MEI4: variants seen among roughly 807,000 people sequenced by gnomAD.
MEI4 encodes the protein meiosis-specific protein MEI4.
Under a neutral mutation model 31.4 loss-of-function variants are expected in MEI4, and 27 were observed. The observed-to-expected ratio is 0.86, with a 90% confidence interval of 0.63 to 1.19. MEI4 has a LOEUF of 1.19. MEI4 is among the 50% of genes most tolerant of loss of function. MEI4 has a pLI of 0.00. For synonymous variants in MEI4, 122 were observed against 145.4 expected (o/e 0.84, Z 1.16); for missense variants, 329 against 398.9 (o/e 0.82, Z 1.49).
At chr6:77,792,825 G>A (rs1443379629) in intron 3 of MEI4, among the ~76,000 whole-genome samples, 1 of 151,760 alleles carries the variant, frequency 6.6e-6, no homozygotes, top group East Asian at 1.9e-4. Flanking sequence ...CCATTCTCCT[G>A]CCTCAGCCTC....
At chr6:77,763,105 A>T (rs1768081381) in intron 3 of MEI4, among the ~76,000 whole-genome samples, 1 of 152,100 alleles carries the variant, frequency 6.6e-6, no homozygotes, top group African/African-American at 2.4e-5. Context: ...GGTTGATATG[A>T]CTTAAACCTA....
chr6:77,697,298 C>T (rs918347526), intron 2 of MEI4, among the ~76,000 whole-genome samples: 1 of 152,122 alleles, frequency 6.6e-6, no homozygotes, highest in Non-Finnish European at 1.5e-5. Flanking sequence ...TTATTTCTTG[C>T]CTTCTGCTAG....
At chr6:77,813,315 T>G (rs1769616878) in intron 3 of MEI4, among the ~76,000 whole-genome samples, 1 of 152,116 alleles carries the variant, frequency 6.6e-6, no homozygotes, top group Admixed American at 6.6e-5. Flanking sequence ...ACAGTATCTG[T>G]GAGAGAGACA....
At chr6:77,816,961 A>G (rs1769703688) in intron 3 of MEI4, among the ~76,000 whole-genome samples, 1 of 152,010 alleles carries the variant, frequency 6.6e-6, no homozygotes, top group Non-Finnish European at 1.5e-5. Flanking sequence ...CAGTCATATT[A>G]TTGAATGAAG....
At chr6:77,922,986 T>A (rs7756772) in intron 4 of MEI4, 103 bp from the exon 5 acceptor site, 46,745 of 617,632 alleles carry the variant, frequency 0.076, 7,545 homozygotes, top group East Asian at 0.44. Flanking sequence ...TGTTAAATAT[T>A]TCAAATATAT....
At chr6:77,674,701 A>G (rs1016737386) in intron 1 of MEI4, among the ~76,000 whole-genome samples, 1 of 152,144 alleles carries the variant, frequency 6.6e-6, no homozygotes, top group Non-Finnish European at 1.5e-5. Flanking sequence ...GCAACACATG[A>G]CAGTAATACA....
Position 77,741,180 on chromosome 6 carries a change from C to A in MEI4, c.233-19950C>A, listed in dbSNP as rs536426544. 1.4e-3 allele frequency among the ~76,000 whole-genome samples: 212 copies of A among 152,158 alleles called. 1 individual carries two copies. The highest frequency in any genetic ancestry group is 4.5e-3 in the African/African-American group (186 of 41,518). ...AGCATGGCATGTTTTGGTGAACTGTCAGGAATTTAAAGTTGCTTGCATGTA... is the reference window on the plus strand; with the variant it reads ...AGCATGGCATGTTTTGGTGAACTGTAAGGAATTTAAAGTTGCTTGCATGTA... On this transcript the variant is annotated intron_variant, in intron 2 of 4. Coordinates refer to ENST00000684080, the MANE Select transcript of MEI4 (RefSeq NM_001322247.2).
chr6:77,714,757 C>G (rs1766542725), intron 2 of MEI4, among the ~76,000 whole-genome samples: 1 of 152,188 alleles, frequency 6.6e-6, no homozygotes, highest in African/African-American at 2.4e-5. Context: ...GTGCCCCTGC[C>G]TCTGTGCCCT....
intron 1 of MEI4, among the ~76,000 whole-genome samples, chr6:77,667,043 T>A (rs909750423): frequency 3.9e-5 from 6 of 152,148 alleles, no homozygotes; most frequent in Non-Finnish European, 7.4e-5. Flanking sequence ...ATGGAAATAA[T>A]ATGTAAAGAA....
intron 4 of MEI4, among the ~76,000 whole-genome samples, chr6:77,911,395 T>C (rs1362972191): frequency 1.3e-5 from 2 of 152,034 alleles, no homozygotes; most frequent in African/African-American, 4.8e-5. Flanking sequence ...ATACAAATGA[T>C]CTTTTCACTG....
At chr6:77,701,404 G>A (rs1292533269) in intron 2 of MEI4, among the ~76,000 whole-genome samples, 1 of 152,058 alleles carries the variant, frequency 6.6e-6, no homozygotes, top group Non-Finnish European at 1.5e-5. Flanking sequence ...GGCAGATTTA[G>A]GATTAAAATT....
chr6:77,788,781 A>C (rs1768826742), intron 3 of MEI4, among the ~76,000 whole-genome samples: 1 of 152,244 alleles, frequency 6.6e-6, no homozygotes, highest in African/African-American at 2.4e-5. Flanking sequence ...AGAACATTCC[A>C]TGCTCATGGG....
chr6:77,866,073 C>T (rs574794341), intron 4 of MEI4, among the ~76,000 whole-genome samples: 6 of 151,938 alleles, frequency 3.9e-5, no homozygotes, highest in East Asian at 1.9e-4. Flanking sequence ...ACTGATGGGA[C>T]GTACCTCAAA....
chr6:77,910,282 A>G (rs1449241835), intron 4 of MEI4, among the ~76,000 whole-genome samples: 2 of 152,150 alleles, frequency 1.3e-5, no homozygotes, highest in African/African-American at 4.8e-5. Context: ...CTGTTTGCAG[A>G]TGACATGATT....
rs573132240 is a variant in MEI4 at position 77,877,487 on chromosome 6, G to A, written c.901-45602G>A. 6.2e-3 allele frequency among the ~76,000 whole-genome samples: 292 copies of A among 46,812 alleles called. 2 individuals carry two copies. The highest frequency in any genetic ancestry group is 7.5e-3 in the Non-Finnish European group (214 of 28,456). The allele number at this position is 46,812 out of a possible 152,430, so 30.7% of individuals were successfully genotyped here. A position where few individuals can be genotyped will look rare whatever the true frequency, so the allele number is the denominator to read the frequency against. ...CTCAAGCATCATCTAGCTGATGGTT[G>A]CTGACAACAGATTTTCTGACACTTA... On this transcript the variant is annotated intron_variant, in intron 4 of 4. Transcript: ENST00000684080.
rs890708556 is a variant in MEI4, at chr6:77,926,710, T to G, written c.*3364T>G. 4.6e-5 allele frequency: 7 copies of G among 151,926 alleles called. No individual in the cohort carries two copies. In the South Asian group the frequency reaches 6.2e-4, roughly 13 times the overall value. 9.4% of individuals were successfully genotyped at this position (151,926 alleles called of 1,614,324 possible). A position where few individuals can be genotyped will look rare whatever the true frequency, so the allele number is the denominator to read the frequency against. ...TTATTCATCAAATATGAAGCACCAA[T>G]TGTCTACAAACCAATTATTTGCAAA... is the stretch of plus-strand genomic sequence containing the variant. On this transcript the variant is annotated 3_prime_UTR_variant, in exon 5 of 5. Transcript: ENST00000684080.
chr6:77,779,704 C>G (rs1171116384), intron 3 of MEI4, among the ~76,000 whole-genome samples: 1 of 151,988 alleles, frequency 6.6e-6, no homozygotes, highest in Non-Finnish European at 1.5e-5. Flanking sequence ...TTTTCATCTC[C>G]CAGTTATCTC....
intron 4 of MEI4, among the ~76,000 whole-genome samples, chr6:77,838,876 C>A (rs12196426): frequency 2.0e-5 from 3 of 151,726 alleles, no homozygotes; most frequent in African/African-American, 7.3e-5. Context: ...GCACTCCAAC[C>A]TGGGCGACAA....
intron 2 of MEI4, among the ~76,000 whole-genome samples, chr6:77,742,764 T>C (rs1767450292): frequency 6.7e-6 from 1 of 150,216 alleles, no homozygotes; most frequent in African/African-American, 2.5e-5. Flanking sequence ...GTCTAACATG[T>C]AAGTCTTTAA....
Sources: gnomAD v4.1 joint callset for allele counts (sites outside exome capture counted in the v4.1 genomes callset) on GRCh38, gnomAD v4.1.1 for gene constraint, MANE v1.5 for transcripts, NCBI Gene and HGNC (gene_info 2026-07-23, HGNC 2026-07-21) for gene names.